AGGF1: variants seen among roughly 807,000 people sequenced by gnomAD.
The protein encoded by AGGF1 is angiogenic factor with G-patch and FHA domains 1.
AGGF1 carries 56 observed loss-of-function variants against 86.5 expected under a neutral mutation model. That is an observed-to-expected ratio of 0.65 (90% CI 0.52 to 0.81). The LOEUF is 0.81. AGGF1 is among the 30% of genes least tolerant of loss of function. The pLI, the probability that AGGF1 is intolerant of heterozygous loss-of-function variation, is 0.00. For missense variants in AGGF1, 816 were observed against 850.9 expected, an observed-to-expected ratio of 0.96 and a Z score of 0.51; for synonymous variants, 313 against 297.1, an observed-to-expected ratio of 1.05 and a Z score of -0.55.
At chr5:77,036,470 C>A in intron 3 of AGGF1, 86 bp from the exon 4 acceptor site, 1 of 1,357,632 alleles carries the variant, frequency 7.4e-7, no homozygotes, top group Non-Finnish European at 1.0e-6. Context: ...GTTACTTAAA[C>A]ATAGTCTCAG....
At chr5:77,061,906 G>A (rs1747570445) in intron 13 of AGGF1, 104 bp downstream of exon 13, 1 of 1,044,388 alleles carries the variant, frequency 9.6e-7, no homozygotes, top group East Asian at 2.4e-5. Context: ...ATAGTAGAAA[G>A]CAAAAGGAGA....
rs745802909 is a variant in AGGF1, at chr5:77,046,314, CCT to C, written c.871-32_871-31del. ...ATAGTGATGTTTAAGAGTATTCTCC[CCT>C]GTTCCCTCGTATCTACCCACCCTTC... On this transcript the variant is annotated intron_variant, in intron 5 of 13. Coordinates refer to ENST00000312916, the MANE Select transcript of AGGF1 (RefSeq NM_018046.5). 5.2e-6 allele frequency: 8 copies of C among 1,538,996 alleles called. No homozygotes were observed. The African/African-American group carries it at 5.5e-5, about 11-fold the overall frequency.
chr5:77,057,330 A>G (rs1747479455), intron 11 of AGGF1, among the ~76,000 whole-genome samples: 2 of 152,222 alleles, frequency 1.3e-5, no homozygotes, highest in East Asian at 1.9e-4. Flanking sequence ...TGAATAACCA[A>G]AAACTGAGAA....
At chr5:77,048,837 A>G in intron 7 of AGGF1, 99 bp from the exon 8 acceptor site, 1 of 1,096,326 alleles carries the variant, frequency 9.1e-7, no homozygotes, top group Non-Finnish European at 1.4e-6. Flanking sequence ...CTGTTGATAG[A>G]CGTGTATTTT....
At chr5:77,032,251 G>GGAA (rs777510199) in intron 1 of AGGF1, among the ~76,000 whole-genome samples, 1 of 25,046 alleles carries the variant, frequency 4.0e-5, no homozygotes, top group Non-Finnish European at 1.0e-4. Flanking sequence ...TACAAATATG[G>GGAA]TAAAAAAAAA....
At chr5:77,042,286 C>A (rs1469453810) in intron 5 of AGGF1, among the ~76,000 whole-genome samples, 2 of 148,264 alleles carry the variant, frequency 1.3e-5, no homozygotes, top group African/African-American at 4.9e-5. Flanking sequence ...TCCACAAAGC[C>A]GCCATTGTCA....
At chr5:77,031,424 A>G (rs1746851041) in intron 1 of AGGF1, among the ~76,000 whole-genome samples, 2 of 152,192 alleles carry the variant, frequency 1.3e-5, no homozygotes, top group African/African-American at 2.4e-5. Context: ...AAAACAAACA[A>G]TTTTACAAAC....
intron 8 of AGGF1, among the ~76,000 whole-genome samples, chr5:77,049,629 A>G (rs533717561): frequency 6.9e-6 from 1 of 145,758 alleles, no homozygotes; most frequent in South Asian, 2.1e-4. Flanking sequence ...GACTCACTGC[A>G]GCCTCATCTT....
In AGGF1 at chr5:77,030,476, C is replaced by G. The variant is rs1746817204; in HGVS notation, c.-291C>G. ...TCTGGTTTTCCGACTGCTTATCCGA[C>G]GCTCCTCCCTCTGTCTCTGTAGCTG... On this transcript the variant is annotated 5_prime_UTR_variant, in exon 1 of 14. Transcript: ENST00000312916. The G allele has an allele frequency of 3.3e-6, 2 of 609,996 alleles. No homozygotes were observed. The highest frequency in any genetic ancestry group is 1.8e-5 in the African/African-American group (1 of 54,970). 37.8% of individuals were successfully genotyped at this position (609,996 alleles called of 1,614,324 possible).
intron 5 of AGGF1, among the ~76,000 whole-genome samples, chr5:77,040,597 A>G (rs1342709960): frequency 6.6e-6 from 1 of 152,212 alleles, no homozygotes; most frequent in East Asian, 1.9e-4. Flanking sequence ...GGAACCCCAA[A>G]AATGCTTATG....
rs146938869 is a variant in AGGF1, at chr5:77,046,664, T to C, written c.1188T>C (p.Asp396=). Residue 396 remains aspartate (D), a synonymous_variant, in exon 6 of 14, where the codon GAT becomes GAC. Coordinates refer to ENST00000312916, the MANE Select transcript of AGGF1 (RefSeq NM_018046.5). The stretch of plus-strand genomic sequence containing the variant: ...GTGAAGGCAATGTAACTGCAGAAGA[T>C]AGTGAGGATGAAGGTGAGTAAATAA... ...ITSEGNVTAE[D]SEDEDEDKIW... is the part of the protein sequence containing the mutation. 157 of 1,613,864 alleles carry C rather than the reference T, an allele frequency of 9.7e-5. No individual in the cohort carries two copies. The African/African-American group carries it at 1.8e-3, about 19-fold the overall frequency.
chr5:77,034,662 G>C (rs1352787911), intron 2 of AGGF1, 142 bp downstream of exon 2: 2 of 669,896 alleles, frequency 3.0e-6, no homozygotes, highest in Non-Finnish European at 5.4e-6. Context: ...TATGATAATG[G>C]TATTTTCGGA....
At chr5:77,050,306 C>CTTTTTTTTT (rs10595061) in intron 8 of AGGF1, among the ~76,000 whole-genome samples, 143 of 76,574 alleles carry the variant, frequency 1.9e-3, no homozygotes, top group Middle Eastern at 0.011. Flanking sequence ...TTCTTTGTTT[C>CTTTTTTTTT]TTTTTTTTTT....
chr5:77,049,159 T>A (rs1441296937), intron 8 of AGGF1, among the ~76,000 whole-genome samples, 172 bp downstream of exon 8: 3 of 152,214 alleles, frequency 2.0e-5, no homozygotes, highest in African/African-American at 7.2e-5. Context: ...AAAATAATTC[T>A]TTATCACAAT....
At chr5:77,049,759 G>C (rs1047157246) in intron 8 of AGGF1, among the ~76,000 whole-genome samples, 3 of 151,842 alleles carry the variant, frequency 2.0e-5, no homozygotes, top group African/African-American at 4.8e-5. Context: ...CTGGGTGTTC[G>C]CTAGGCTGGT....
rs981826601 is a variant in AGGF1 at position 77,059,681 on chromosome 5, T to C, written c.1782T>C (p.Arg594=). The change falls in exon 12 of 14, where the codon CGT becomes CGC. Residue 594 remains arginine, a synonymous_variant. Transcript: ENST00000312916. The part of the protein sequence containing the change: ...NPKYKDRAGK[R]REQVGSEGTF... ...AATATAAAGATAGAGCTGGAAAACG[T>C]AGGGAGCAGGTTGGAAGTGAAGGAA... 7 of 1,613,684 alleles carry C rather than the reference T, an allele frequency of 4.3e-6. No individual in the cohort carries two copies. The Admixed American group carries it at 5.0e-5, about 12-fold the overall frequency.
Position 77,064,861 on chromosome 5 carries a change from T to A in AGGF1, c.*1609T>A, listed in dbSNP as rs1200003335. On this transcript the variant is annotated 3_prime_UTR_variant, in exon 14 of 14. Transcript: ENST00000312916. ...GGTTAGTATATGACTGTCTATAATA[T>A]TTTCCATTTGTATTATTATATTGGG... 1 of 152,204 alleles carries A rather than the reference T, an allele frequency of 6.6e-6. No individual in the cohort carries two copies. The highest frequency in any genetic ancestry group is 1.5e-5 in the Non-Finnish European group (1 of 68,038). The allele number at this position is 152,204 out of a possible 1,614,324, so 9.4% of individuals were successfully genotyped here. A position where few individuals can be genotyped will look rare whatever the true frequency, so the allele number is the denominator to read the frequency against.
chr5:77,047,404 T>A (rs1747288801), intron 6 of AGGF1, among the ~76,000 whole-genome samples: 1 of 152,198 alleles, frequency 6.6e-6, no homozygotes, highest in Non-Finnish European at 1.5e-5. Flanking sequence ...GACTTGAACA[T>A]CCATAGATTT....
At chr5:77,040,538 T>G (rs1373760412) in intron 5 of AGGF1, among the ~76,000 whole-genome samples, 1 of 152,160 alleles carries the variant, frequency 6.6e-6, no homozygotes, top group African/African-American at 2.4e-5. Flanking sequence ...TACATTTAAT[T>G]TAAAAAAGTA....
Sources: allele counts gnomAD v4.1 joint callset (sites outside exome capture counted in the v4.1 genomes callset), GRCh38; gene constraint gnomAD v4.1.1; transcripts MANE v1.5; gene names NCBI Gene and HGNC (gene_info 2026-07-23, HGNC 2026-07-21).